Variants in RUBCN observed in about 807,000 individuals in gnomAD.
RUBCN encodes the protein run domain Beclin-1-interacting and cysteine-rich domain-containing protein.
RUBCN carries 74 observed loss-of-function variants against 113.2 expected under a neutral mutation model. The observed-to-expected ratio is 0.65, with a 90% CI of 0.54 to 0.79. RUBCN has a LOEUF of 0.79. RUBCN is among the 30% of genes least tolerant of loss of function. The probability of loss-of-function intolerance (pLI) is 0.00; values close to 1 mark genes in which losing one functional copy is unlikely to be tolerated. For synonymous variants in RUBCN, 480 were observed against 490.0 expected, an observed-to-expected ratio of 0.98 and a Z score of 0.27; for missense variants, 1,109 against 1,251.7, an observed-to-expected ratio of 0.89 and a Z score of 1.72.
intron 1 of RUBCN, among the ~76,000 whole-genome samples, chr3:197,745,516 A>G (rs1356671858): frequency 6.8e-6 from 1 of 148,000 alleles, no homozygotes. Context: ...TTGGGAGGCT[A>G]AGGCAGGAGA....
chr3:197,737,085 C>T, upstream of RUBCN: 1 of 413,724 alleles, frequency 2.4e-6, no homozygotes, highest in Non-Finnish European at 3.7e-6. Context: ...GCCCTCCAAT[C>T]CCAGGCCGCG....
Position 197,671,821 on chromosome 3 carries a change from C to T in RUBCN, c.*3197G>A, listed in dbSNP as rs1242938458. ...AGAAACCCAGAGAAGTGAAGTGGTT[C>T]GCTCGAGGTCTCATGGCAAGTTAGA... On this transcript the variant is annotated 3_prime_UTR_variant, in exon 20 of 20. Coordinates refer to ENST00000296343, the MANE Select transcript of RUBCN (RefSeq NM_014687.4). 3 of 152,188 alleles carry T rather than the reference C, an allele frequency of 2.0e-5. No individual in the cohort carries two copies. The highest frequency in any genetic ancestry group is 4.8e-5 in the African/African-American group (2 of 41,444). 9.4% of individuals were successfully genotyped at this position (152,188 alleles called of 1,614,324 possible). A position where few individuals can be genotyped will look rare whatever the true frequency, so the allele number is the denominator to read the frequency against.
chr3:197,705,749 G>T (rs1005553631), intron 2 of RUBCN, among the ~76,000 whole-genome samples: 3 of 151,484 alleles, frequency 2.0e-5, no homozygotes, highest in Non-Finnish European at 4.4e-5. Context: ...CTTTTTGTTT[G>T]AGACAGAGTC....
chr3:197,675,746 A>C lies in RUBCN; in HGVS notation c.2647-231T>G, dbSNP rs73891686. ...ACCAGCCGGAGAAGCTCCGACCCCC[A>C]GCGCGGCTCTCCATGAAGAGAGGAG... is the stretch of plus-strand genomic sequence containing the variant. On this transcript the variant is annotated intron_variant, in intron 18 of 19. Coordinates refer to ENST00000296343, the MANE Select transcript of RUBCN (RefSeq NM_014687.4). This position sits in a 1 kb window ranked among gnomAD's most constrained non-coding sequence, Gnocchi z 4.4. 0.055 allele frequency among the ~76,000 whole-genome samples: 8,241 copies of C among 150,574 alleles called. 817 individuals carry two copies. The highest frequency in any genetic ancestry group is 0.19 in the African/African-American group (7,890 of 40,910).
At chr3:197,691,032 ACATG>A (rs1414800922) in intron 11 of RUBCN, 3 of 1,070,942 alleles carry the variant, frequency 2.8e-6, no homozygotes, top group Non-Finnish European at 3.8e-6. Context: ...ACATTCTCAC[ACATG>A]CATCTACAAG....
intron 11 of RUBCN, among the ~76,000 whole-genome samples, chr3:197,685,406 A>C (rs1205233333): frequency 6.6e-6 from 1 of 152,164 alleles, no homozygotes; most frequent in Non-Finnish European, 1.5e-5. Context: ...ATCTCTGTGC[A>C]CTGGGCTGTG....
intron 2 of RUBCN, among the ~76,000 whole-genome samples, chr3:197,714,497 T>A (rs1392860257): frequency 6.6e-6 from 1 of 152,140 alleles, no homozygotes; most frequent in Non-Finnish European, 1.5e-5. Flanking sequence ...AGTTTTTAAA[T>A]TTTTTACAGA....
intron 1 of RUBCN, among the ~76,000 whole-genome samples, chr3:197,733,094 A>G (rs958283080): frequency 6.6e-6 from 1 of 152,236 alleles, no homozygotes; most frequent in Non-Finnish European, 1.5e-5. Context: ...ATTCAAATGC[A>G]GGTCTGACTT....
chr3:197,707,225 G>A (rs569728076), intron 2 of RUBCN, among the ~76,000 whole-genome samples: 12 of 151,920 alleles, frequency 7.9e-5, no homozygotes, highest in African/African-American at 2.7e-4. Flanking sequence ...CCAGCTACTC[G>A]GGGGGCTGAG....
upstream of RUBCN, chr3:197,736,960 G>A (rs992055751): frequency 5.6e-5 from 72 of 1,288,442 alleles, no homozygotes; most frequent in Non-Finnish European, 6.9e-5. Flanking sequence ...AGGCTAGGCC[G>A]CTCCCGCAGG....
At chr3:197,707,126 G>C (rs1311547750) in intron 2 of RUBCN, among the ~76,000 whole-genome samples, 2 of 142,890 alleles carry the variant, frequency 1.4e-5, no homozygotes, top group South Asian at 2.1e-4. Flanking sequence ...GGCAGATCAC[G>C]AGGTCAGGAG....
Position 197,728,292 on chromosome 3 carries a change from C to T in RUBCN, c.65+8363G>A, listed in dbSNP as rs147581063. On this transcript the variant is annotated intron_variant, in intron 1 of 19. Coordinates refer to ENST00000296343, the MANE Select transcript of RUBCN (RefSeq NM_014687.4). Reference sequence around the variant, plus strand: ...TTCAGGCTTAGAGTCCTTGCAGTCCCCTCCTGGGTTCTGACAACAGCAGCT... The same window carrying T: ...TTCAGGCTTAGAGTCCTTGCAGTCCTCTCCTGGGTTCTGACAACAGCAGCT... Among the ~76,000 whole-genome samples, 775 of 152,290 alleles carry T rather than the reference C, an allele frequency of 5.1e-3. 6 individuals are homozygous for T. The highest frequency in any genetic ancestry group is 0.017 in the South Asian group (83 of 4,824).
chr3:197,704,924 T>C (rs1050149590), intron 3 of RUBCN, among the ~76,000 whole-genome samples, 168 bp downstream of exon 3: 9 of 152,262 alleles, frequency 5.9e-5, no homozygotes, highest in Non-Finnish European at 1.3e-4. Flanking sequence ...TGTTTTTTTT[T>C]TTTAAGCAAA....
At chr3:197,695,791 G>T in intron 9 of RUBCN, 75 bp downstream of exon 9, 1 of 1,338,000 alleles carries the variant, frequency 7.5e-7, no homozygotes, top group Non-Finnish European at 1.1e-6. Flanking sequence ...AACCTCATCA[G>T]AACAAATGGC....
chr3:197,732,383 G>A (rs189474405), intron 1 of RUBCN, among the ~76,000 whole-genome samples: 36 of 152,262 alleles, frequency 2.4e-4, no homozygotes, highest in African/African-American at 6.0e-4. Flanking sequence ...GCGTGATCTC[G>A]GCTCACTGCA....
intron 11 of RUBCN, among the ~76,000 whole-genome samples, chr3:197,691,486 T>TA (rs1211371900): frequency 6.6e-6 from 1 of 152,060 alleles, no homozygotes; most frequent in African/African-American, 2.4e-5. Flanking sequence ...CTAAACATCT[T>TA]ACAGTCCACA....
chr3:197,688,891 A>T (rs1188037128), intron 11 of RUBCN, among the ~76,000 whole-genome samples: 4 of 152,228 alleles, frequency 2.6e-5, no homozygotes, highest in Non-Finnish European at 1.5e-5. Context: ...GAGTGGAGAC[A>T]GGAATTCACT....
rs1719954098 is a variant in RUBCN at position 197,673,119 on chromosome 3, C to CTGGGCACTTCTAGTCACAA, written c.*1898_*1899insTTGTGACTAGAAGTGCCCA. ...TCATTCTTAAAGCTCCCTGAAGGAC[C>CTGGGCACTTCTAGTCACAA]TGGGCACTTCTAGTCACAGCCCTTC... On this transcript the variant is annotated 3_prime_UTR_variant, in exon 20 of 20. Transcript: ENST00000296343. 6.6e-6 allele frequency: 1 copy of CTGGGCACTTCTAGTCACAA among 152,240 alleles called. No individual in the cohort carries two copies. Among genetic ancestry groups the CTGGGCACTTCTAGTCACAA allele is most frequent in the South Asian group, 2.1e-4 (1 of 4,832 alleles). 9.4% of individuals were successfully genotyped at this position (152,240 alleles called of 1,614,324 possible).
At chr3:197,749,755 C>A, upstream of RUBCN, 1 of 579,892 alleles carries the variant, frequency 1.7e-6, no homozygotes, top group Non-Finnish European at 3.2e-6. Flanking sequence ...TCGTCCGATC[C>A]TGCGAGGGCC....
Sources: gnomAD v4.1 joint callset for allele counts (sites outside exome capture counted in the v4.1 genomes callset) on GRCh38, gnomAD v4.1.1 for gene constraint, Gnocchi (gnomAD v3.1) non-coding constraint, MANE v1.5 for transcripts, NCBI Gene and HGNC (gene_info 2026-07-23, HGNC 2026-07-21) for gene names.